SI: variants seen among roughly 807,000 people sequenced by gnomAD.
SI encodes sucrase-isomaltase.
A neutral mutation model predicts 253.3 loss-of-function variants in SI; 235 were observed. That is an observed-to-expected ratio of 0.93 (90% CI 0.83 to 1.03). The LOEUF is 1.03. Ranked by LOEUF, SI falls within the 50% of genes least tolerant of loss-of-function variation. The pLI is 0.00. For missense variants in SI, 2,442 were observed against 2,211.1 expected (o/e 1.10, Z -2.09); for synonymous variants, 819 against 712.0 (o/e 1.15, Z -2.39).
Position 164,998,582 on chromosome 3 carries a change from C to G in SI, c.4498G>C (p.Asp1500His). The stretch of plus-strand genomic sequence containing the variant: ...ATGTTGTCCCATCGTGCATAGTTGT[C>G]TCCAAGCCAGTGTCCTCCCCATCGT... ...SGRWGGHWLG[D>H]NYARWDNMDK... Residue 1500 changes from aspartate to histidine, a missense_variant, in exon 38 of 48, where the codon GAC (aspartate) becomes CAC (histidine). Coordinates refer to ENST00000264382, the MANE Select transcript of SI (RefSeq NM_001041.4). 6.2e-7 allele frequency: 1 copy of G among 1,612,296 alleles called. No homozygotes were observed. Among genetic ancestry groups the G allele is most frequent in the African/African-American group, 1.3e-5 (1 of 74,916 alleles).
chr3:165,073,742 A>G (rs1714752465), intron 3 of SI, among the ~76,000 whole-genome samples: 1 of 152,162 alleles, frequency 6.6e-6, no homozygotes, highest in Admixed American at 6.6e-5. Context: ...TAATAAAAAT[A>G]ATGTAAATAA....
chr3:165,075,343 TGAA>T (rs1714885981), intron 2 of SI, among the ~76,000 whole-genome samples: 2 of 151,960 alleles, frequency 1.3e-5, no homozygotes, highest in Non-Finnish European at 2.9e-5. Context: ...GAGAGAATAA[TGAA>T]GAAAGAGATT....
At chr3:164,986,652 A>G (rs1175514268) in intron 45 of SI, among the ~76,000 whole-genome samples, 1 of 152,168 alleles carries the variant, frequency 6.6e-6, no homozygotes, top group Non-Finnish European at 1.5e-5. Context: ...CTATGATTAC[A>G]TATGTTTGTT....
intron 10 of SI, 98 bp from the exon 11 acceptor site, chr3:165,059,397 C>T (rs917396357): frequency 8.4e-7 from 1 of 1,190,624 alleles, no homozygotes; most frequent in African/African-American, 1.5e-5. Context: ...TAAACATAAC[C>T]CTTAAAAAAT....
intron 21 of SI, among the ~76,000 whole-genome samples, chr3:165,037,177 T>C (rs899127001): frequency 1.3e-5 from 2 of 151,906 alleles, no homozygotes; most frequent in Admixed American, 1.3e-4. Context: ...TAATTACTAA[T>C]GCGTATCGCT....
chr3:165,048,136 T>C (rs1713219450), intron 15 of SI, among the ~76,000 whole-genome samples: 1 of 152,062 alleles, frequency 6.6e-6, no homozygotes, highest in Admixed American at 6.6e-5. Flanking sequence ...ATCAGTATGA[T>C]TTAAGACCAT....
chr3:165,070,571 A>T (rs1191643012), intron 3 of SI, among the ~76,000 whole-genome samples: 2 of 151,696 alleles, frequency 1.3e-5, no homozygotes, highest in African/African-American at 2.4e-5. Flanking sequence ...TACAAAAAAA[A>T]TTACTTACAG....
chr3:165,006,407 G>A (rs1186887199), intron 37 of SI, among the ~76,000 whole-genome samples: 1 of 152,126 alleles, frequency 6.6e-6, no homozygotes, highest in Non-Finnish European at 1.5e-5. Context: ...ACTGTGCCTG[G>A]GCTGACAATG....
At chr3:165,007,652 A>C (rs1298607536) in intron 36 of SI, among the ~76,000 whole-genome samples, 1 of 151,596 alleles carries the variant, frequency 6.6e-6, no homozygotes, top group Non-Finnish European at 1.5e-5. Flanking sequence ...ATATTCCTTG[A>C]TTTTTTTCTC....
chr3:165,015,295 G>A (rs1718973098), intron 32 of SI, 62 bp from the exon 33 acceptor site: 1 of 1,101,374 alleles, frequency 9.1e-7, no homozygotes, highest in African/African-American at 1.5e-5. Flanking sequence ...CTTGGACAGT[G>A]ATTATGAAGC....
chr3:165,029,270 TAA>T (rs547091514), intron 25 of SI, among the ~76,000 whole-genome samples: 5 of 143,664 alleles, frequency 3.5e-5, no homozygotes, highest in South Asian at 2.2e-4. Context: ...AATCAAAAAA[TAA>T]AAAAAAAATA....
rs190504782 is a variant in SI, at chr3:165,025,430, G to A, written c.2893-1654C>T. Among the ~76,000 whole-genome samples the A allele has an allele frequency of 4.4e-3, 659 of 151,210 alleles. 6 individuals carry two copies. Among genetic ancestry groups the A allele is most frequent in the African/African-American group, 0.015 (627 of 41,396 alleles). On this transcript the variant is annotated intron_variant, in intron 25 of 47. Transcript: ENST00000264382. The stretch of plus-strand genomic sequence containing the variant: ...TAAAAATTTGGAAAACATATTTGAA[G>A]GAATAATCAAAGAAAACTTCCCTGG...
chr3:164,983,928 A>C (rs1386380139), intron 45 of SI, among the ~76,000 whole-genome samples: 1 of 152,062 alleles, frequency 6.6e-6, no homozygotes, highest in African/African-American at 2.4e-5. Context: ...AACTCATTTT[A>C]ATGATCATCC....
intron 26 of SI, among the ~76,000 whole-genome samples, chr3:165,023,338 A>C (rs2108187595): frequency 6.6e-6 from 1 of 151,652 alleles, no homozygotes; most frequent in African/African-American, 2.4e-5. Context: ...TAAGAATTTA[A>C]ATTTATTTTT....
chr3:165,033,121 G>C (rs554443855), intron 23 of SI, among the ~76,000 whole-genome samples: 3 of 151,328 alleles, frequency 2.0e-5, no homozygotes, highest in Non-Finnish European at 4.4e-5. Context: ...TTTTCCTAGG[G>C]CATGTTGCCT....
chr3:165,058,711 A>T (rs1177366822), intron 12 of SI, among the ~76,000 whole-genome samples: 1 of 151,986 alleles, frequency 6.6e-6, no homozygotes, highest in Non-Finnish European at 1.5e-5. Flanking sequence ...CAATCTACTA[A>T]GATTAAACCA....
rs750467995 is a variant in SI, at chr3:165,067,399, C to G, written c.576G>C (p.Val192=). ...GPTVSDTLYD[V]KVAQNPFSIQ... is the part of the protein sequence containing the mutation. ...TGCTAAATGGGTTTTGGGCAACCTT[C>G]ACATCATACAACGTATCAGAAACTG... Residue 192 remains valine (V), a synonymous_variant, in exon 6 of 48, where the codon GTG becomes GTC. Transcript: ENST00000264382. The G allele has an allele frequency of 3.1e-6, 5 of 1,612,732 alleles. No homozygotes were observed. In the Admixed American group the frequency reaches 8.3e-5, roughly 27 times the overall value.
At chr3:165,075,833 T>C in intron 2 of SI, 62 bp downstream of exon 2, 1 of 978,478 alleles carries the variant, frequency 1.0e-6, no homozygotes, top group South Asian at 1.3e-5. Flanking sequence ...CCTATAACTA[T>C]TGTGGAGTAA....
Position 164,992,330 on chromosome 3 carries a change from T to A in SI, c.4909A>T (p.Thr1637Ser). Residue 1637 changes from threonine (T) to serine (S), a missense_variant, in exon 42 of 48, where the codon ACC becomes TCC. Physicochemically the swap from Thr to Ser is moderately conservative, Grantham distance 58. Coordinates refer to ENST00000264382, the MANE Select transcript of SI (RefSeq NM_001041.4). The stretch of plus-strand genomic sequence containing the variant: ...GGACTTACAGGTTCCAGTACTGGGG[T>A]AACCATAAATGCTGGACCCCATAAG... The part of the protein sequence containing the change: ...QFLWGPAFMV[T>S]PVLEPYVQTV... 6.2e-7 allele frequency: 1 copy of A among 1,613,384 alleles called. No individual in the cohort carries two copies. The highest frequency in any genetic ancestry group is 8.5e-7 in the Non-Finnish European group (1 of 1,179,500).
Sources: gnomAD v4.1 joint callset for allele counts (sites outside exome capture counted in the v4.1 genomes callset) on GRCh38, gnomAD v4.1.1 for gene constraint, MANE v1.5 for transcripts, NCBI Gene and HGNC (gene_info 2026-07-23, HGNC 2026-07-21) for gene names.